Variants in CCDC148 observed in about 807,000 individuals in gnomAD.
CCDC148 encodes the protein coiled-coil domain-containing protein 148.
Under a neutral mutation model 85.7 loss-of-function variants are expected in CCDC148, and 89 were observed. That is an observed-to-expected ratio of 1.04 (90% CI 0.87 to 1.24). The LOEUF (loss-of-function observed/expected upper bound fraction) is 1.24. CCDC148 is among the 50% of genes most tolerant of loss of function. The probability of loss-of-function intolerance (pLI) is 0.00; values close to 1 mark genes in which losing one functional copy is unlikely to be tolerated. For synonymous variants in CCDC148, 230 were observed against 213.9 expected, an observed-to-expected ratio of 1.08 and a Z score of -0.66; for missense variants, 692 against 671.7, an observed-to-expected ratio of 1.03 and a Z score of -0.33.
chr2:158,439,584 C>G (rs1285044450), intron 1 of CCDC148, among the ~76,000 whole-genome samples: 2 of 151,816 alleles, frequency 1.3e-5, no homozygotes, highest in Admixed American at 1.3e-4. Context: ...ATGTAACAAA[C>G]CTGTACGTTG....
intron 1 of CCDC148, among the ~76,000 whole-genome samples, chr2:158,440,494 G>A (rs1239658837): frequency 6.6e-6 from 1 of 152,100 alleles, no homozygotes; most frequent in Non-Finnish European, 1.5e-5. Flanking sequence ...CTCAGGAGAT[G>A]CATTCAAGAC....
chr2:158,314,081 TC>T (rs1214058196), intron 7 of CCDC148, among the ~76,000 whole-genome samples, 187 bp from the exon 8 acceptor site: 1 of 152,236 alleles, frequency 6.6e-6, no homozygotes, highest in Non-Finnish European at 1.5e-5. Context: ...ATGGGTTCCT[TC>T]AGTTCTTTAT....
intron 10 of CCDC148, among the ~76,000 whole-genome samples, chr2:158,226,005 T>C (rs1310747860): frequency 6.6e-6 from 1 of 152,060 alleles, no homozygotes; most frequent in African/African-American, 2.4e-5. Context: ...AAAAAATCAA[T>C]GAATCTAGGA....
At chr2:158,261,132 C>A (rs34366963) in intron 9 of CCDC148, among the ~76,000 whole-genome samples, 1 of 152,158 alleles carries the variant, frequency 6.6e-6, no homozygotes, top group Middle Eastern at 3.4e-3. Flanking sequence ...TACAGGGCTA[C>A]AGTAACCAAA....
At chr2:158,311,637 C>G (rs374420576) in intron 8 of CCDC148, among the ~76,000 whole-genome samples, 8 of 152,166 alleles carry the variant, frequency 5.3e-5, no homozygotes, top group African/African-American at 1.7e-4. Context: ...AATACGCCAT[C>G]TTTACATCAG....
chr2:158,353,019 C>T (rs1683406598), intron 2 of CCDC148, among the ~76,000 whole-genome samples: 1 of 151,362 alleles, frequency 6.6e-6, no homozygotes. Context: ...TACAGACAAG[C>T]AAATGCTGAG....
intron 1 of CCDC148, among the ~76,000 whole-genome samples, chr2:158,436,679 G>C (rs1687667192): frequency 6.6e-6 from 1 of 152,046 alleles, no homozygotes; most frequent in South Asian, 2.1e-4. Flanking sequence ...AAAAATCAAT[G>C]AATCCAGGAG....
chr2:158,231,179 C>T (rs1257795577), intron 10 of CCDC148, among the ~76,000 whole-genome samples: 1 of 152,088 alleles, frequency 6.6e-6, no homozygotes, highest in African/African-American at 2.4e-5. Context: ...GATGAGGTCT[C>T]CAGGATGAGG....
Position 158,340,242 on chromosome 2 carries a change from C to G in CCDC148, c.486G>C (p.Glu162Asp), listed in dbSNP as rs1682608539. The G allele has an allele frequency of 1.2e-6, 2 of 1,613,004 alleles. No homozygotes were observed. Among genetic ancestry groups the G allele is most frequent in the East Asian group, 4.5e-5 (2 of 44,808 alleles). The change falls in exon 5 of 14, where the codon GAG becomes GAC. Residue 162 changes from glutamate to aspartate, a missense_variant and splice_region_variant. Glu to Asp is a conservative substitution (Grantham distance 45, BLOSUM62 2). Coordinates refer to ENST00000283233, the MANE Select transcript of CCDC148 (RefSeq NM_138803.4). Reference sequence around the variant, plus strand: ...TGGAAAATAAAGGTAACATACTAACCTCTTCCAATACTTTCATGGAGTTAA... The same window carrying G: ...TGGAAAATAAAGGTAACATACTAACGTCTTCCAATACTTTCATGGAGTTAA... ...IEFNSMKVLEEVDFVKKQLKT... is the reference protein window; with the variant it reads ...IEFNSMKVLEDVDFVKKQLKT...
intron 7 of CCDC148, among the ~76,000 whole-genome samples, chr2:158,334,300 CCAATTTTGGGGGAAG>C (rs1693308587): frequency 6.6e-6 from 1 of 152,098 alleles, no homozygotes; most frequent in Non-Finnish European, 1.5e-5. Context: ...TTCTGTCTCT[CCAATTTTGGGGGAAG>C]CATTTTGTGC....
chr2:158,422,741 A>G (rs1046054118), intron 1 of CCDC148, among the ~76,000 whole-genome samples: 1 of 152,192 alleles, frequency 6.6e-6, no homozygotes, highest in African/African-American at 2.4e-5. Flanking sequence ...CCGAGCAATC[A>G]GGCAGGAGAA....
At chr2:158,277,448 T>TG (rs1356454797) in intron 9 of CCDC148, among the ~76,000 whole-genome samples, 2 of 152,208 alleles carry the variant, frequency 1.3e-5, no homozygotes, top group Non-Finnish European at 2.9e-5. Context: ...ATATATACTA[T>TG]GGTCATTTTT....
chr2:158,419,368 G>A (rs183600617), intron 1 of CCDC148, among the ~76,000 whole-genome samples: 11 of 152,134 alleles, frequency 7.2e-5, no homozygotes, highest in South Asian at 4.2e-4. Context: ...TGAGTTTTAC[G>A]TCACAAAGAC....
intron 1 of CCDC148, among the ~76,000 whole-genome samples, chr2:158,430,312 C>G (rs143404048): frequency 4.3e-4 from 65 of 152,238 alleles, no homozygotes; most frequent in African/African-American, 1.4e-3. Flanking sequence ...CAAGCCTCAA[C>G]CTGATCCATG....
intron 1 of CCDC148, among the ~76,000 whole-genome samples, chr2:158,388,486 T>C (rs1331615249): frequency 6.6e-6 from 1 of 152,084 alleles, no homozygotes; most frequent in African/African-American, 2.4e-5. Flanking sequence ...CTATCTTTAT[T>C]TTTATTTTAT....
chr2:158,229,444 A>T (rs1687742291), intron 10 of CCDC148, among the ~76,000 whole-genome samples: 1 of 152,206 alleles, frequency 6.6e-6, no homozygotes, highest in African/African-American at 2.4e-5. Flanking sequence ...TGTAGGAACT[A>T]GTACTAAATT....
chr2:158,326,281 T>G (rs1242537365), intron 7 of CCDC148, among the ~76,000 whole-genome samples: 1 of 152,122 alleles, frequency 6.6e-6, no homozygotes, highest in Admixed American at 6.6e-5. Context: ...TTTATGTCAC[T>G]TTCTCAACCA....
At chr2:158,173,059 G>C (rs953699797) in intron 13 of CCDC148, among the ~76,000 whole-genome samples, 1 of 152,068 alleles carries the variant, frequency 6.6e-6, no homozygotes, top group Non-Finnish European at 1.5e-5. Flanking sequence ...GATAACTACA[G>C]ATTATGGCAA....
chr2:158,286,885 T>C (rs1475377805), intron 9 of CCDC148, among the ~76,000 whole-genome samples: 1 of 151,966 alleles, frequency 6.6e-6, no homozygotes, highest in Non-Finnish European at 1.5e-5. Flanking sequence ...TTTAGAAGAT[T>C]AAAAGGAAAA....
Sources: gnomAD v4.1 joint callset for allele counts (sites outside exome capture counted in the v4.1 genomes callset) on GRCh38, gnomAD v4.1.1 for gene constraint, MANE v1.5 for transcripts, NCBI Gene and HGNC (gene_info 2026-07-23, HGNC 2026-07-21) for gene names.